Variants in COMMD7 observed in about 807,000 individuals in gnomAD.
COMMD7 encodes COMM domain containing 7, also known as COMM domain-containing protein 7.
Under a neutral mutation model 34.8 loss-of-function variants are expected in COMMD7, and 28 were observed. That is an observed-to-expected ratio of 0.80 (90% CI 0.60 to 1.10). The LOEUF (loss-of-function observed/expected upper bound fraction) is 1.10. COMMD7 is among the 50% of genes least tolerant of loss of function. The pLI is 0.00. For missense variants in COMMD7, 211 were observed against 241.6 expected (o/e 0.87, Z 0.84); for synonymous variants, 80 against 86.4 (o/e 0.93, Z 0.41).
intron 5 of COMMD7, among the ~76,000 whole-genome samples, chr20:32,706,186 GAA>G (rs1984066785): frequency 6.9e-6 from 1 of 145,800 alleles, no homozygotes; most frequent in African/African-American, 2.5e-5. Flanking sequence ...CAACGAGAGC[GAA>G]ACTCTGTCTC....
intron 1 of COMMD7, among the ~76,000 whole-genome samples, chr20:32,735,763 C>T (rs1986104058): frequency 6.6e-6 from 1 of 152,176 alleles, no homozygotes. Flanking sequence ...CCTGCCTCAG[C>T]CTCCTGGGTT....
rs1313330865 is a variant in COMMD7 at position 32,743,363 on chromosome 20, G to C, written c.29C>G (p.Pro10Arg). 7.9e-6 allele frequency: 12 copies of C among 1,510,946 alleles called. No homozygotes were observed. The highest frequency in any genetic ancestry group is 2.6e-5 in the East Asian group (1 of 38,428). The allele number at this position is 1,510,946 out of a possible 1,614,324, so 93.6% of individuals were successfully genotyped here. The change falls in exon 1 of 9, where the codon CCG (proline) becomes CGG (arginine). Residue 10 changes from proline (P) to arginine (R), a missense_variant. By Grantham distance (103) the Pro-to-Arg change is moderately radical (BLOSUM62 -2). Transcript: ENST00000278980. ...GTCGCCGCCCACGGCCTCCGGCACC[G>C]GGTCCTCAGTGCAGTGCAGGCGGCC... is the stretch of plus-strand genomic sequence containing the variant. MGRLHCTED[P>R]VPEAVGGDMQ... is the part of the protein sequence containing the mutation.
At chr20:32,742,810 T>C (rs1214733268) in intron 1 of COMMD7, among the ~76,000 whole-genome samples, 2 of 152,014 alleles carry the variant, frequency 1.3e-5, no homozygotes, top group African/African-American at 4.8e-5. Flanking sequence ...CAGGCCAAGC[T>C]TCCCCGGGCC....
intron 5 of COMMD7, among the ~76,000 whole-genome samples, chr20:32,705,376 A>ATATTTTTT: frequency 8.0e-6 from 1 of 125,456 alleles, no homozygotes; most frequent in African/African-American, 3.4e-5. Context: ...ATATATATAT[A>ATATTTTTT]TTTTTTTTTT....
At chr20:32,717,658 CATT>C (rs1984878945) in intron 3 of COMMD7, among the ~76,000 whole-genome samples, 1 of 151,828 alleles carries the variant, frequency 6.6e-6, no homozygotes, top group Non-Finnish European at 1.5e-5. Flanking sequence ...GGTAGTGTCT[CATT>C]ATGTTGCCCA....
chr20:32,710,165 A>G (rs1263859120), intron 3 of COMMD7, among the ~76,000 whole-genome samples: 1 of 152,036 alleles, frequency 6.6e-6, no homozygotes, highest in Non-Finnish European at 1.5e-5. Flanking sequence ...TGAGCTGCCA[A>G]TCCCAGCCTC....
At chr20:32,708,686 C>T (rs956350954) in intron 3 of COMMD7, among the ~76,000 whole-genome samples, 7 of 117,520 alleles carry the variant, frequency 6.0e-5, no homozygotes, top group African/African-American at 2.3e-4. Flanking sequence ...CAGTGAGACA[C>T]GGTTTCACTC....
rs201772684 is a variant in COMMD7, at chr20:32,710,732, A to AAC, written c.242-3973_242-3972insGT. On this transcript the variant is annotated intron_variant, in intron 3 of 8. Transcript: ENST00000278980. ...TAACAGGGTGAGACCTCATCTCAAA[A>AAC]AAAAAAAAAAAAAAAATAGATGTAG... 3.6e-3 allele frequency among the ~76,000 whole-genome samples: 489 copies of AAC among 136,142 alleles called. 1 individual carries two copies. The highest frequency in any genetic ancestry group is 6.6e-3 in the Non-Finnish European group (398 of 60,164). The allele number at this position is 136,142 out of a possible 152,430, so 89.3% of individuals were successfully genotyped here.
intron 3 of COMMD7, among the ~76,000 whole-genome samples, chr20:32,709,759 A>AC (rs1477695872): frequency 2.0e-5 from 3 of 151,650 alleles, no homozygotes; most frequent in African/African-American, 7.3e-5. Context: ...ACAGCTTTCT[A>AC]CCCCTGGCCA....
intron 3 of COMMD7, among the ~76,000 whole-genome samples, chr20:32,718,990 G>T (rs1310543050): frequency 6.6e-6 from 1 of 152,126 alleles, no homozygotes; most frequent in Non-Finnish European, 1.5e-5. Context: ...GGTTTCTTAA[G>T]GCCACTTCAG....
rs1356664277 is a variant in COMMD7, at chr20:32,727,941, G to A, written c.193C>T (p.Leu65Phe). The A allele has an allele frequency of 3.7e-6, 6 of 1,614,008 alleles. No homozygotes were observed. In the Admixed American group the frequency reaches 8.3e-5, roughly 22 times the overall value. ...TTCACGATGCTTCTGAGGGAGCCAA[G>A]ACTGATCTGATTGGTGGTGGCAAAT... ...SEFATTNQIS[L>F]GSLRSIVKSL... is the part of the protein sequence containing the mutation. Residue 65 changes from leucine to phenylalanine, a missense_variant, in exon 3 of 9, where the codon CTT (leucine) becomes TTT (phenylalanine). Coordinates refer to ENST00000278980, the MANE Select transcript of COMMD7 (RefSeq NM_053041.3).
chr20:32,712,210 C>T (rs1472328134), intron 3 of COMMD7, among the ~76,000 whole-genome samples: 1 of 125,526 alleles, frequency 8.0e-6, no homozygotes, highest in East Asian at 2.4e-4. Flanking sequence ...GCAGAGGTTG[C>T]AGTGAGCCGA....
chr20:32,742,087 C>T (rs1986477665), intron 1 of COMMD7, among the ~76,000 whole-genome samples: 1 of 151,950 alleles, frequency 6.6e-6, no homozygotes, highest in Admixed American at 6.6e-5. Flanking sequence ...ACTCGGGAGA[C>T]TGAGACAGAG....
chr20:32,739,807 C>A, intron 1 of COMMD7, among the ~76,000 whole-genome samples: 1 of 140,644 alleles, frequency 7.1e-6, no homozygotes, highest in East Asian at 2.5e-4. Flanking sequence ...CACTTGAGGT[C>A]AGGAGTTCGA....
intron 5 of COMMD7, among the ~76,000 whole-genome samples, chr20:32,705,514 C>T (rs915263529): frequency 2.6e-5 from 4 of 151,892 alleles, no homozygotes; most frequent in Non-Finnish European, 5.9e-5. Context: ...GCTGGGACCA[C>T]AGGCGCCCAC....
chr20:32,705,051 G>A, intron 5 of COMMD7, 147 bp from the exon 6 acceptor site: 2 of 619,582 alleles, frequency 3.2e-6, no homozygotes, highest in South Asian at 1.9e-5. Flanking sequence ...GAAGGGCTCA[G>A]TCTATATGCA....
At chr20:32,740,316 CA>C (rs56389684) in intron 1 of COMMD7, among the ~76,000 whole-genome samples, 99,336 of 144,556 alleles carry the variant, frequency 0.69, 34,255 homozygotes, top group Middle Eastern at 0.82. Context: ...GACACTGTCT[CA>C]AAAAAAAAAA....
rs781221721 is a variant in COMMD7 at position 32,706,729 on chromosome 20, C to A, written c.273G>T (p.Gln91His). 4 of 1,613,884 alleles carry A rather than the reference C, an allele frequency of 2.5e-6. No homozygotes were observed. Among genetic ancestry groups the A allele is most frequent in the Non-Finnish European group, 3.4e-6 (4 of 1,179,984 alleles). Residue 91 changes from glutamine (Q) to histidine (H), a missense_variant, in exon 4 of 9, where the codon CAG becomes CAT. By Grantham distance (24) the Gln-to-His change is conservative. Coordinates refer to ENST00000278980, the MANE Select transcript of COMMD7 (RefSeq NM_053041.3). ...GALKKSLTAK[Q>H]VQADFITLGL... ...CCAGAGTTATGAAATCCGCCTGGAC[C>A]TGCTTGGCTGTGAGACTCTTCTTCA...
intron 1 of COMMD7, among the ~76,000 whole-genome samples, chr20:32,728,960 T>G (rs6058833): frequency 0.69 from 105,477 of 151,976 alleles, 37,281 homozygotes; most frequent in Middle Eastern, 0.82. Flanking sequence ...TAGAACAGAC[T>G]CTTACAGTTT....
Sources: allele counts gnomAD v4.1 joint callset (sites outside exome capture counted in the v4.1 genomes callset), GRCh38; gene constraint gnomAD v4.1.1; transcripts MANE v1.5; gene names NCBI Gene and HGNC (gene_info 2026-07-23, HGNC 2026-07-21).